FTO: variants seen among roughly 807,000 people sequenced by gnomAD.
The protein encoded by FTO is alpha-ketoglutarate-dependent dioxygenase FTO.
Under a neutral mutation model 63.9 loss-of-function variants are expected in FTO, and 47 were observed. That is an observed-to-expected ratio of 0.74 (90% CI 0.58 to 0.94). FTO has a LOEUF of 0.94. Ranked by LOEUF, FTO falls within the 40% of genes least tolerant of loss-of-function variation. The pLI is 0.00. For synonymous variants in FTO, 207 were observed against 224.4 expected (o/e 0.92, Z 0.69); for missense variants, 562 against 618.1 (o/e 0.91, Z 0.96).
chr16:53,732,074 AG>A (rs1318015959), intron 1 of FTO, among the ~76,000 whole-genome samples: 15 of 110,504 alleles, frequency 1.4e-4, no homozygotes, highest in Non-Finnish European at 2.4e-4. Flanking sequence ...TTTGAGACGG[AG>A]TCTCGCTCTG....
At chr16:54,020,313 C>T (rs767277379) in intron 8 of FTO, among the ~76,000 whole-genome samples, 1 of 152,158 alleles carries the variant, frequency 6.6e-6, no homozygotes, top group Non-Finnish European at 1.5e-5. Context: ...AGCTGCCCAT[C>T]CCTTCACCCT....
At chr16:54,096,334 C>CTAT (rs2086515782) in intron 8 of FTO, among the ~76,000 whole-genome samples, 1 of 152,186 alleles carries the variant, frequency 6.6e-6, no homozygotes, top group African/African-American at 2.4e-5. Context: ...GGCCAGGACA[C>CTAT]TATGACATCT....
At chr16:53,842,585 CAGA>C (rs1402709688) in intron 3 of FTO, among the ~76,000 whole-genome samples, 3 of 151,992 alleles carry the variant, frequency 2.0e-5, no homozygotes, top group Non-Finnish European at 4.4e-5. Flanking sequence ...TGTATCCTTC[CAGA>C]AGTATTATAA....
At chr16:53,841,900 A>T (rs2079489080) in intron 3 of FTO, among the ~76,000 whole-genome samples, 1 of 152,150 alleles carries the variant, frequency 6.6e-6, no homozygotes. Context: ...ACCTTCTCTA[A>T]GAGTTCTGCT....
chr16:53,862,357 T>G (rs1242734526), intron 4 of FTO, among the ~76,000 whole-genome samples: 1 of 152,200 alleles, frequency 6.6e-6, no homozygotes, highest in African/African-American at 2.4e-5. Flanking sequence ...ACATTATGGT[T>G]TCATTTTGGT....
intron 8 of FTO, among the ~76,000 whole-genome samples, chr16:53,986,043 G>A (rs1393144128): frequency 6.6e-6 from 1 of 152,154 alleles, no homozygotes; most frequent in South Asian, 2.1e-4. Flanking sequence ...AAAACTGGCT[G>A]GTCTAGTTTA....
intron 1 of FTO, among the ~76,000 whole-genome samples, chr16:53,705,552 T>C (rs2075586886): frequency 6.6e-6 from 1 of 152,240 alleles, no homozygotes; most frequent in African/African-American, 2.4e-5. Flanking sequence ...GAATTTCATC[T>C]TACACGTGAG....
intron 7 of FTO, among the ~76,000 whole-genome samples, chr16:53,931,213 G>C (rs1338070720): frequency 6.6e-6 from 1 of 151,416 alleles, no homozygotes; most frequent in African/African-American, 2.4e-5. Flanking sequence ...TAGCTAGCTA[G>C]ATGTCTACTT....
At chr16:53,881,076 C>T (rs564388293) in intron 6 of FTO, among the ~76,000 whole-genome samples, 18 of 150,736 alleles carry the variant, frequency 1.2e-4, no homozygotes, top group African/African-American at 3.7e-4. Flanking sequence ...GAGCCAAGAT[C>T]GCGTGACTGC....
At chr16:53,889,019 T>C in intron 7 of FTO, 68 bp downstream of exon 7, 1 of 1,529,914 alleles carries the variant, frequency 6.5e-7, no homozygotes, top group Non-Finnish European at 9.1e-7. Context: ...CACTGCCTCA[T>C]TTGCTTAGGC....
intron 8 of FTO, among the ~76,000 whole-genome samples, chr16:53,959,789 G>T (rs2083027240): frequency 1.3e-5 from 2 of 152,020 alleles, no homozygotes; most frequent in Admixed American, 6.6e-5. Context: ...TGAAAAGAAG[G>T]GAATCAAACA....
chr16:53,851,285 TAAAAA>T (rs571720201), intron 4 of FTO, among the ~76,000 whole-genome samples: 91 of 103,282 alleles, frequency 8.8e-4, no homozygotes, highest in Non-Finnish European at 1.1e-3. Context: ...CCACCTCTAC[TAAAAA>T]AAAAAAAAAA....
At chr16:54,101,462 G>T (rs900086155) in intron 8 of FTO, among the ~76,000 whole-genome samples, 7 of 152,094 alleles carry the variant, frequency 4.6e-5, no homozygotes, top group African/African-American at 1.7e-4. Context: ...CTTGTTTTTT[G>T]TTATGGCTGC....
intron 1 of FTO, among the ~76,000 whole-genome samples, chr16:53,760,574 C>T (rs2077041605): frequency 6.7e-6 from 1 of 148,858 alleles, no homozygotes; most frequent in Non-Finnish European, 1.5e-5. Context: ...TGTTACATTA[C>T]TTGCCATTCC....
intron 8 of FTO, among the ~76,000 whole-genome samples, chr16:54,016,033 A>G (rs1279642625): frequency 6.6e-6 from 1 of 152,150 alleles, no homozygotes; most frequent in Non-Finnish European, 1.5e-5. Flanking sequence ...ATTATTTTAC[A>G]CACATTCATG....
At chr16:53,748,953 A>T (rs1598560819) in intron 1 of FTO, among the ~76,000 whole-genome samples, 1 of 150,484 alleles carries the variant, frequency 6.6e-6, no homozygotes. Context: ...TTTAGTAGAG[A>T]CGAGGTTTCA....
intron 1 of FTO, among the ~76,000 whole-genome samples, chr16:53,766,771 G>A (rs1015699123): frequency 6.6e-6 from 1 of 152,130 alleles, no homozygotes; most frequent in East Asian, 1.9e-4. Context: ...AATCATTGTT[G>A]TTCTTTAGGT....
intron 8 of FTO, among the ~76,000 whole-genome samples, chr16:54,032,664 T>C (rs576326782): frequency 6.9e-6 from 1 of 145,512 alleles, no homozygotes; most frequent in South Asian, 2.1e-4. Flanking sequence ...GTTAAAGGCT[T>C]GCTTATTTCT....
At chr16:53,796,792 GT>G (rs2151702911) in intron 1 of FTO, among the ~76,000 whole-genome samples, 1 of 152,256 alleles carries the variant, frequency 6.6e-6, no homozygotes, top group African/African-American at 2.4e-5. Flanking sequence ...TTTTTAAAGA[GT>G]TTTATTGGGG....
Sources: gnomAD v4.1 joint callset for allele counts (sites outside exome capture counted in the v4.1 genomes callset) on GRCh38, gnomAD v4.1.1 for gene constraint, MANE v1.5 for transcripts, NCBI Gene and HGNC (gene_info 2026-07-23, HGNC 2026-07-21) for gene names.